Variants in P2RY14 observed in about 807,000 individuals in gnomAD.
P2RY14 encodes the protein P2Y purinoceptor 14.
In P2RY14, 2 loss-of-function variants were observed where a neutral mutation model predicts 0.9. The ratio of observed to expected loss-of-function variants is 2.16; its 90% CI spans 0.88 to 6.79. P2RY14 has a LOEUF of 6.79. Ranked by LOEUF, P2RY14 falls within the 30% of genes most tolerant of loss-of-function variation. The pLI is 0.05. For missense variants in P2RY14, 378 were observed against 400.1 expected, an observed-to-expected ratio of 0.94 and a Z score of 0.47; for synonymous variants, 158 against 147.2, an observed-to-expected ratio of 1.07 and a Z score of -0.53.
At chr3:151,228,975 T>C (rs1043685389) in intron 1 of P2RY14, among the ~76,000 whole-genome samples, 1 of 152,208 alleles carries the variant, frequency 6.6e-6, no homozygotes, top group African/African-American at 2.4e-5. Flanking sequence ...GATCTGCAGA[T>C]CATGGGGCTG....
chr3:151,247,761 T>TAAA (rs71138490), intron 1 of P2RY14, among the ~76,000 whole-genome samples: 16 of 144,134 alleles, frequency 1.1e-4, no homozygotes, highest in Admixed American at 7.6e-4. Context: ...TAATGTATAA[T>TAAA]AAAAAAAAAA....
rs530481538 is a variant in P2RY14 at position 151,232,057 on chromosome 3, G to A, written c.-132-12415C>T. Among the ~76,000 whole-genome samples the A allele has an allele frequency of 4.6e-5, 7 of 152,288 alleles. No homozygotes were observed. In the South Asian group the frequency reaches 1.2e-3, roughly 27 times the overall value. ...GGGTCCTGTGCTCCGTGCCTGACAGGTAACGAATGCCTAATAACAGTCTCC... is the reference window on the plus strand; with the variant it reads ...GGGTCCTGTGCTCCGTGCCTGACAGATAACGAATGCCTAATAACAGTCTCC... On this transcript the variant is annotated intron_variant, in intron 1 of 2. Coordinates refer to ENST00000309170, the MANE Select transcript of P2RY14 (RefSeq NM_014879.4).
At position 151,263,735 on chromosome 3, in the gene P2RY14, AG is replaced by A. The variant is rs369171619; in HGVS notation, c.-133+14551del. Among the ~76,000 whole-genome samples the A allele has an allele frequency of 2.0e-4, 29 of 142,604 alleles. No homozygotes were observed. The East Asian group carries it at 5.7e-3, about 28-fold the overall frequency. The allele number at this position is 142,604 out of a possible 152,430, so 93.6% of individuals were successfully genotyped here. On this transcript the variant is annotated intron_variant, in intron 1 of 2. Transcript: ENST00000309170. The stretch of plus-strand genomic sequence containing the variant: ...TATAGAGATTAAGAATGCAGGCTAC[AG>A]GGTTGGAATTCCTGGATTCCCGTAC...
At chr3:151,254,491 A>C (rs1737444565) in intron 1 of P2RY14, among the ~76,000 whole-genome samples, 1 of 152,336 alleles carries the variant, frequency 6.6e-6, no homozygotes, top group South Asian at 2.1e-4. Context: ...TTTCCCATTT[A>C]TAATTAGTTG....
chr3:151,247,489 A>G (rs1735828765), intron 1 of P2RY14, among the ~76,000 whole-genome samples: 2 of 151,592 alleles, frequency 1.3e-5, no homozygotes, highest in South Asian at 2.1e-4. Flanking sequence ...GGAAATCATC[A>G]TTCTCAGTAA....
intron 1 of P2RY14, among the ~76,000 whole-genome samples, chr3:151,238,235 CTCCCAGGT>C (rs1733339385): frequency 6.6e-6 from 1 of 152,174 alleles, no homozygotes; most frequent in Non-Finnish European, 1.5e-5. Context: ...CATCCTCCGC[CTCCCAGGT>C]TCAAGCAATT....
In P2RY14 at chr3:151,244,587, A is replaced by G. The variant is rs1463830562; in HGVS notation, c.-132-24945T>C. 5.3e-5 allele frequency among the ~76,000 whole-genome samples: 8 copies of G among 151,474 alleles called. 1 individual carries two copies. Among genetic ancestry groups the G allele is most frequent in the Non-Finnish European group, 7.4e-5 (5 of 67,876 alleles). On this transcript the variant is annotated intron_variant, in intron 1 of 2. Transcript: ENST00000309170. ...AAACCAGTGAGAACAAAGACACAAC[A>G]TACCAGAATCTCTGGGACGCATTCA... is the stretch of plus-strand genomic sequence containing the variant.
intron 1 of P2RY14, among the ~76,000 whole-genome samples, chr3:151,243,830 T>A (rs1399386363): frequency 6.6e-6 from 1 of 150,878 alleles, no homozygotes; most frequent in Admixed American, 6.6e-5. Context: ...GCAAATTGGA[T>A]AAAGAGTCAA....
chr3:151,244,695 A>G (rs1734975072), intron 1 of P2RY14, among the ~76,000 whole-genome samples: 1 of 151,416 alleles, frequency 6.6e-6, no homozygotes, highest in East Asian at 1.9e-4. Context: ...CCCTAACATC[A>G]CAATTAAAAG....
At chr3:151,243,301 A>G (rs944739245) in intron 1 of P2RY14, among the ~76,000 whole-genome samples, 1 of 151,582 alleles carries the variant, frequency 6.6e-6, no homozygotes, top group Non-Finnish European at 1.5e-5. Context: ...AGCAACTCCA[A>G]GACACATAAT....
intron 1 of P2RY14, chr3:151,269,654 A>G: frequency 5.0e-6 from 2 of 398,422 alleles, no homozygotes; most frequent in Non-Finnish European, 9.7e-6. Context: ...AGTTGAAGTG[A>G]CAGAATTTGG....
At chr3:151,245,951 T>C (rs1397436972) in intron 1 of P2RY14, among the ~76,000 whole-genome samples, 4 of 151,058 alleles carry the variant, frequency 2.6e-5, no homozygotes, top group Non-Finnish European at 5.9e-5. Context: ...TGTACAAAAA[T>C]CACAAGCATT....
chr3:151,242,506 C>G (rs1462757913), intron 1 of P2RY14, among the ~76,000 whole-genome samples: 1 of 152,198 alleles, frequency 6.6e-6, no homozygotes, highest in African/African-American at 2.4e-5. Flanking sequence ...AGCAGGGGCA[C>G]ACTGACACCT....
chr3:151,213,611 A>G lies in P2RY14; in HGVS notation c.706T>C (p.Phe236Leu), dbSNP rs751657720. Residue 236 changes from phenylalanine (F) to leucine (L), a missense_variant, in exon 3 of 3, where the codon TTC (phenylalanine) becomes CTC (leucine). By Grantham distance (22) the Phe-to-Leu change is conservative. Transcript: ENST00000309170. ...ACAAAAAACACAAACACGATGCTGA[A>G]TATGTTGCGGCTAGATTTCTTTTTG... ...SVKKKSSRNI[F>L]SIVFVFFVCF... is the part of the protein sequence containing the mutation. 3 of 1,614,092 alleles carry G rather than the reference A, an allele frequency of 1.9e-6. No individual in the cohort carries two copies. The highest frequency in any genetic ancestry group is 2.5e-6 in the Non-Finnish European group (3 of 1,180,034).
At chr3:151,250,249 T>G (rs1330567379) in intron 1 of P2RY14, among the ~76,000 whole-genome samples, 2 of 152,158 alleles carry the variant, frequency 1.3e-5, no homozygotes, top group Non-Finnish European at 2.9e-5. Flanking sequence ...AGATTTTTTT[T>G]GTCTTTGAGG....
chr3:151,238,753 T>C (rs957006858), intron 1 of P2RY14, among the ~76,000 whole-genome samples: 4 of 152,176 alleles, frequency 2.6e-5, no homozygotes, highest in African/African-American at 9.6e-5. Flanking sequence ...TTTTATTAAA[T>C]CTCAACCATA....
chr3:151,249,601 A>G (rs1348358452), intron 1 of P2RY14, among the ~76,000 whole-genome samples: 1 of 152,120 alleles, frequency 6.6e-6, no homozygotes, highest in Non-Finnish European at 1.5e-5. Context: ...CTAGGGATGG[A>G]CTTGATGCAT....
intron 1 of P2RY14, among the ~76,000 whole-genome samples, chr3:151,236,327 A>G (rs1164097481): frequency 6.6e-6 from 1 of 152,254 alleles, no homozygotes; most frequent in Non-Finnish European, 1.5e-5. Flanking sequence ...TGTGCATAGT[A>G]GATTAACATA....
At chr3:151,271,927 A>G (rs1741026913) in intron 1 of P2RY14, among the ~76,000 whole-genome samples, 1 of 152,204 alleles carries the variant, frequency 6.6e-6, no homozygotes, top group South Asian at 2.1e-4. Context: ...TGGGGTGGTG[A>G]TTATATGGTG....
Sources: allele counts gnomAD v4.1 joint callset (sites outside exome capture counted in the v4.1 genomes callset), GRCh38; gene constraint gnomAD v4.1.1; transcripts MANE v1.5; gene names NCBI Gene and HGNC (gene_info 2026-07-23, HGNC 2026-07-21).